The following RP2 variants were observed in gnomAD, a reference collection of about 807,000 sequenced individuals.
RP2 encodes the protein protein XRP2.
RP2 carries 3 observed loss-of-function variants against 20.3 expected under a neutral mutation model. The ratio of observed to expected loss-of-function variants is 0.15; its 90% CI spans 0.07 to 0.38. The LOEUF is 0.38. RP2 is among the 10% of genes least tolerant of loss of function. RP2 has a pLI of 1.00. For synonymous variants in RP2, 75 were observed against 94.8 expected, an observed-to-expected ratio of 0.79 and a Z score of 1.22; for missense variants, 233 against 268.5, an observed-to-expected ratio of 0.87 and a Z score of 0.92.
chrX:46,875,008 G>A (rs1556327486), intron 3 of RP2, among the ~76,000 whole-genome samples: 2 of 111,297 alleles, frequency 1.8e-5, no homozygotes, highest in Non-Finnish European at 1.9e-5. Flanking sequence ...CCTTGTTTAC[G>A]TTCAGGTTTA....
At chrX:46,861,724 C>T (rs1255490936) in intron 3 of RP2, among the ~76,000 whole-genome samples, 1 of 111,189 alleles carries the variant, frequency 9.0e-6, no homozygotes, top group East Asian at 2.8e-4. Flanking sequence ...TACCTGTAGT[C>T]CCAGCTACTC....
chrX:46,845,852 C>A (rs1924707286), intron 1 of RP2, among the ~76,000 whole-genome samples: 2 of 110,719 alleles, frequency 1.8e-5, no homozygotes, highest in Admixed American at 1.9e-4. Context: ...CAGCCTCAGC[C>A]TCCGGGGCTC....
chrX:46,868,745 C>T (rs1556324034), intron 3 of RP2, among the ~76,000 whole-genome samples: 1 of 97,284 alleles, frequency 1.0e-5, no homozygotes, highest in Non-Finnish European at 2.0e-5. Context: ...AAGATCGCGC[C>T]ACTGCACTCC....
In RP2 at chrX:46,881,001, T is replaced by C. The variant is rs1218729715; in HGVS notation, c.*1232T>C. On this transcript the variant is annotated 3_prime_UTR_variant, in exon 5 of 5. Transcript: ENST00000218340. ...GCAGCTATTATGAAATCAGCTTTCATAGGCCTATTTTTAAAAGGAATCTGA... is the reference window on the plus strand; with the variant it reads ...GCAGCTATTATGAAATCAGCTTTCACAGGCCTATTTTTAAAAGGAATCTGA... The C allele has an allele frequency of 8.9e-6, 1 of 112,108 alleles. No individual in the cohort carries two copies. The highest frequency in any genetic ancestry group is 1.9e-5 in the Non-Finnish European group (1 of 53,265). The allele number at this position is 112,108 out of a possible 1,213,427, so 9.2% of individuals were successfully genotyped here.
intron 2 of RP2, among the ~76,000 whole-genome samples, chrX:46,857,680 G>A (rs180940444): frequency 4.3e-4 from 48 of 112,574 alleles, no homozygotes; most frequent in African/African-American, 1.4e-3. Flanking sequence ...TGAAATTGAA[G>A]TTGGGTAGTT....
rs187943399 is a variant in RP2 at position 46,855,908 on chromosome X, A to G, written c.768+1767A>G. 1.9e-4 allele frequency among the ~76,000 whole-genome samples: 21 copies of G among 112,159 alleles called. No individual in the cohort carries two copies. The East Asian group carries it at 4.2e-3, about 22-fold the overall frequency. On this transcript the variant is annotated intron_variant, in intron 2 of 4. Coordinates refer to ENST00000218340, the MANE Select transcript of RP2 (RefSeq NM_006915.3). ...CACAATGTAGAAAACCCATGTAGAA[A>G]TGTCTGAAATCCACAAAGTATATCT...
At chrX:46,876,664 A>G (rs1925378017) in intron 3 of RP2, among the ~76,000 whole-genome samples, 1 of 111,194 alleles carries the variant, frequency 9.0e-6, no homozygotes, top group South Asian at 3.7e-4. Flanking sequence ...CTTGATGCCC[A>G]ATGTAGTGTA....
At chrX:46,872,222 T>C (rs1556326691) in intron 3 of RP2, among the ~76,000 whole-genome samples, 1 of 112,638 alleles carries the variant, frequency 8.9e-6, no homozygotes, top group Non-Finnish European at 1.9e-5. Flanking sequence ...AAGATTTATC[T>C]TTTTTTCTTG....
At chrX:46,857,809 T>C (rs75299702) in intron 2 of RP2, among the ~76,000 whole-genome samples, 1 of 112,078 alleles carries the variant, frequency 8.9e-6, no homozygotes, top group Non-Finnish European at 1.9e-5. Flanking sequence ...GAAGTAATCA[T>C]CATAATCTCA....
intron 2 of RP2, among the ~76,000 whole-genome samples, chrX:46,856,479 T>C (rs1261940335): frequency 1.8e-5 from 2 of 112,260 alleles, no homozygotes; most frequent in Non-Finnish European, 3.8e-5. Flanking sequence ...GGAATTTAAA[T>C]GAATTAACTC....
At chrX:46,847,743 T>TGTGTGTGTATATACACAC (rs1924753210) in intron 1 of RP2, among the ~76,000 whole-genome samples, 1 of 87,115 alleles carries the variant, frequency 1.1e-5, no homozygotes, top group African/African-American at 4.9e-5. Flanking sequence ...TATACACACA[T>TGTGTGTGTATATACACAC]ATGTGTGTGT....
Position 46,853,922 on chromosome X carries a change from A to G in RP2, c.549A>G (p.Glu183=). 1.7e-6 allele frequency: 2 copies of G among 1,211,378 alleles called. No individual in the cohort carries two copies. The highest frequency in any genetic ancestry group is 2.2e-6 in the Non-Finnish European group (2 of 895,242). ...ATGACTTTACACCTGTGTCAGGAGAACTCAACTGGAGCCTTCTTCCAGAAG... is the reference window on the plus strand; with the variant it reads ...ATGACTTTACACCTGTGTCAGGAGAGCTCAACTGGAGCCTTCTTCCAGAAG... ...NIHDFTPVSG[E]LNWSLLPEDA... The change falls in exon 2 of 5, where the codon GAA becomes GAG. Residue 183 remains glutamate (E), a synonymous_variant. Coordinates refer to ENST00000218340, the MANE Select transcript of RP2 (RefSeq NM_006915.3).
At chrX:46,874,372 ACTTT>A (rs1326949963) in intron 3 of RP2, among the ~76,000 whole-genome samples, 1 of 111,606 alleles carries the variant, frequency 9.0e-6, no homozygotes, top group African/African-American at 3.3e-5. Flanking sequence ...CTTAATTCAA[ACTTT>A]CTACCTTGCA....
At chrX:46,847,535 G>A (rs1424801420) in intron 1 of RP2, among the ~76,000 whole-genome samples, 3 of 105,900 alleles carry the variant, frequency 2.8e-5, no homozygotes, top group Non-Finnish European at 5.8e-5. Flanking sequence ...ATGTATGTAT[G>A]TATGTATATA....
intron 4 of RP2, among the ~76,000 whole-genome samples, chrX:46,877,975 T>C (rs1320583205): frequency 1.8e-5 from 2 of 111,417 alleles, no homozygotes; most frequent in Non-Finnish European, 3.8e-5. Flanking sequence ...TTATAGTCTT[T>C]AGATGGACGA....
chrX:46,873,142 TC>T (rs1485565412), intron 3 of RP2, among the ~76,000 whole-genome samples: 1 of 111,629 alleles, frequency 9.0e-6, no homozygotes, highest in Non-Finnish European at 1.9e-5. Context: ...AAAGTGTAAA[TC>T]CTGTCACTGG....
intron 1 of RP2, among the ~76,000 whole-genome samples, chrX:46,847,754 G>GTA (rs1213955801): frequency 2.8e-4 from 23 of 82,767 alleles, no homozygotes; most frequent in Admixed American, 1.5e-3. Context: ...ATGTGTGTGT[G>GTA]TATATACACA....
intron 1 of RP2, among the ~76,000 whole-genome samples, chrX:46,844,993 CTG>C (rs1865611074): frequency 8.9e-6 from 1 of 111,997 alleles, no homozygotes; most frequent in African/African-American, 3.2e-5. Flanking sequence ...TGAGAAGTGT[CTG>C]TTCATAAAAG....
intron 1 of RP2, among the ~76,000 whole-genome samples, chrX:46,840,404 A>G (rs946533778): frequency 8.9e-6 from 1 of 112,404 alleles, no homozygotes; most frequent in African/African-American, 3.2e-5. Flanking sequence ...GGGACTAAGC[A>G]TTGTCATAGC....
Sources: gnomAD v4.1 joint callset for allele counts (sites outside exome capture counted in the v4.1 genomes callset) on GRCh38, gnomAD v4.1.1 for gene constraint, MANE v1.5 for transcripts, NCBI Gene and HGNC (gene_info 2026-07-23, HGNC 2026-07-21) for gene names.